The following PDZRN3 variants were observed in gnomAD, a reference collection of about 807,000 sequenced individuals.
The protein encoded by PDZRN3 is E3 ubiquitin-protein ligase PDZRN3.
PDZRN3 carries 38 observed loss-of-function variants against 85.7 expected under a neutral mutation model. The observed-to-expected ratio is 0.44, with a 90% CI of 0.34 to 0.58. The LOEUF is 0.58. PDZRN3 is among the 20% of genes least tolerant of loss of function. The probability of loss-of-function intolerance (pLI) is 0.01; values close to 1 mark genes in which losing one functional copy is unlikely to be tolerated. For missense variants in PDZRN3, 1,629 were observed against 1,506.4 expected, an observed-to-expected ratio of 1.08 and a Z score of -1.35; for synonymous variants, 759 against 638.0, an observed-to-expected ratio of 1.19 and a Z score of -2.86.
At chr3:73,586,658 G>A (rs997821182) in intron 3 of PDZRN3, among the ~76,000 whole-genome samples, 1 of 152,132 alleles carries the variant, frequency 6.6e-6, no homozygotes, top group African/African-American at 2.4e-5. Context: ...ACCTATTTAG[G>A]TGTAACTTAC....
Position 73,543,130 on chromosome 3 carries a change from T to C in PDZRN3, c.918+59224A>G, listed in dbSNP as rs566003004. Among the ~76,000 whole-genome samples the C allele has an allele frequency of 3.9e-5, 6 of 152,372 alleles. No individual in the cohort carries two copies. The South Asian group carries it at 1.0e-3, about 26-fold the overall frequency. On this transcript the variant is annotated intron_variant, in intron 3 of 9. Coordinates refer to ENST00000263666, the MANE Select transcript of PDZRN3 (RefSeq NM_015009.3). ...ACCCCAAGGATTCAGGATTGTTTTC[T>C]ATTTCCAAGTGTTATTAGGAGTGGC...
At chr3:73,454,074 C>A (rs1250470181) in intron 3 of PDZRN3, among the ~76,000 whole-genome samples, 1 of 152,160 alleles carries the variant, frequency 6.6e-6, no homozygotes, top group East Asian at 1.9e-4. Flanking sequence ...TTAAACAGAT[C>A]ACAGCAAGCT....
chr3:73,439,387 T>C (rs1041288083), intron 3 of PDZRN3, among the ~76,000 whole-genome samples: 1 of 152,200 alleles, frequency 6.6e-6, no homozygotes, highest in African/African-American at 2.4e-5. Flanking sequence ...GTGCCTTTGG[T>C]AGGACAGTTG....
At chr3:73,607,573 C>T (rs936843358) in intron 2 of PDZRN3, among the ~76,000 whole-genome samples, 31 of 152,194 alleles carry the variant, frequency 2.0e-4, no homozygotes, top group African/African-American at 7.5e-4. Flanking sequence ...GGATGGCTGG[C>T]ATCTTCTCGT....
intron 3 of PDZRN3, among the ~76,000 whole-genome samples, chr3:73,436,023 T>C (rs1702524376): frequency 6.6e-6 from 1 of 152,140 alleles, no homozygotes; most frequent in Admixed American, 6.5e-5. Flanking sequence ...CAGGTCTCTC[T>C]GCTGGAACCG....
chr3:73,529,177 A>G (rs1704596373), intron 3 of PDZRN3, among the ~76,000 whole-genome samples: 1 of 152,202 alleles, frequency 6.6e-6, no homozygotes, highest in Non-Finnish European at 1.5e-5. Context: ...CTTTCTACAT[A>G]AAGGTTTTGT....
intron 3 of PDZRN3, among the ~76,000 whole-genome samples, chr3:73,578,761 C>T (rs891607787): frequency 6.6e-6 from 1 of 152,040 alleles, no homozygotes; most frequent in African/African-American, 2.4e-5. Context: ...CAATGAGGAA[C>T]CTGCCCCCCT....
chr3:73,545,891 A>C (rs1023192180), intron 3 of PDZRN3, among the ~76,000 whole-genome samples: 25 of 151,884 alleles, frequency 1.6e-4, no homozygotes, highest in African/African-American at 6.0e-4. Context: ...GGTTGGTGGG[A>C]GGTGAGGGGG....
chr3:73,616,142 T>C (rs188197023), intron 1 of PDZRN3, among the ~76,000 whole-genome samples: 46 of 152,312 alleles, frequency 3.0e-4, no homozygotes, highest in African/African-American at 1.0e-3. Context: ...TCTCTGCACA[T>C]GCAGGCTAGT....
chr3:73,591,999 C>G (rs1702363590), intron 3 of PDZRN3, among the ~76,000 whole-genome samples: 1 of 152,180 alleles, frequency 6.6e-6, no homozygotes. Flanking sequence ...CATATGTCTA[C>G]TAATGGTTTC....
intron 3 of PDZRN3, among the ~76,000 whole-genome samples, chr3:73,428,987 C>A (rs571362727): frequency 6.6e-6 from 1 of 152,202 alleles, no homozygotes; most frequent in African/African-American, 2.4e-5. Flanking sequence ...CAGCCTCCAA[C>A]TCCTAAGCTC....
intron 5 of PDZRN3, among the ~76,000 whole-genome samples, chr3:73,393,076 T>A (rs1377837559): frequency 6.6e-6 from 1 of 152,050 alleles, no homozygotes; most frequent in Non-Finnish European, 1.5e-5. Flanking sequence ...AAGGTTAGTG[T>A]GAATCAACGA....
intron 2 of PDZRN3, among the ~76,000 whole-genome samples, chr3:73,602,884 T>C (rs1702535957): frequency 6.6e-6 from 1 of 152,258 alleles, no homozygotes; most frequent in African/African-American, 2.4e-5. Context: ...TACCAATTCG[T>C]GTCTGCCTTA....
At chr3:73,392,982 A>T (rs905893055) in intron 5 of PDZRN3, among the ~76,000 whole-genome samples, 1 of 152,132 alleles carries the variant, frequency 6.6e-6, no homozygotes, top group African/African-American at 2.4e-5. Context: ...CTTATGTTTC[A>T]AACACATCCC....
rs760207139 is a variant in PDZRN3 at position 73,624,650 on chromosome 3, C to T, written c.176G>A (p.Arg59His). 4 of 1,542,520 alleles carry T rather than the reference C, an allele frequency of 2.6e-6. No homozygotes were observed. Among genetic ancestry groups the T allele is most frequent in the South Asian group, 1.2e-5 (1 of 82,818 alleles). The change falls in exon 1 of 10, where the codon CGC becomes CAC. Residue 59 changes from arginine (R) to histidine (H), a missense_variant. Coordinates refer to ENST00000263666, the MANE Select transcript of PDZRN3 (RefSeq NM_015009.3). ...GTGGTTGAGCTCTTTGGCCGACAGG[C>T]GACCGCGGCAGCGCGCCGGGCAGCT... ...EGSCPARCRGRLSAKELNHVL... is the reference protein window; with the variant it reads ...EGSCPARCRGHLSAKELNHVL...
At chr3:73,602,572 A>G in intron 2 of PDZRN3, 111 bp from the exon 3 acceptor site, 1 of 659,482 alleles carries the variant, frequency 1.5e-6, no homozygotes, top group Non-Finnish European at 2.7e-6. Context: ...AAGAGTGGCA[A>G]TAGGGTAAAA....
intron 3 of PDZRN3, among the ~76,000 whole-genome samples, chr3:73,572,390 C>T (rs998409115): frequency 1.3e-5 from 2 of 151,322 alleles, no homozygotes; most frequent in African/African-American, 4.9e-5. Flanking sequence ...CCAGTATACT[C>T]TAAGTTGACA....
At chr3:73,443,298 G>A (rs1341499103) in intron 3 of PDZRN3, among the ~76,000 whole-genome samples, 1 of 152,078 alleles carries the variant, frequency 6.6e-6, no homozygotes, top group Non-Finnish European at 1.5e-5. Flanking sequence ...GTTCGCAGAT[G>A]GCTTCCCAGT....
intron 5 of PDZRN3, among the ~76,000 whole-genome samples, chr3:73,395,204 A>G (rs1263225647): frequency 2.6e-5 from 4 of 152,222 alleles, no homozygotes; most frequent in Non-Finnish European, 4.4e-5. Context: ...AAATTCCTCA[A>G]ACTTACTGGG....
Sources: gnomAD v4.1 joint callset for allele counts (sites outside exome capture counted in the v4.1 genomes callset) on GRCh38, gnomAD v4.1.1 for gene constraint, MANE v1.5 for transcripts, NCBI Gene and HGNC (gene_info 2026-07-23, HGNC 2026-07-21) for gene names.